The following UBAP1 variants were observed in gnomAD, a reference collection of about 807,000 sequenced individuals.
The protein encoded by UBAP1 is ubiquitin associated protein 1, also known as ubiquitin-associated protein 1.
UBAP1 carries 5 observed loss-of-function variants against 39.0 expected under a neutral mutation model. The ratio of observed to expected loss-of-function variants is 0.13; its 90% confidence interval spans 0.07 to 0.27. The LOEUF (loss-of-function observed/expected upper bound fraction) is 0.27, where lower values mean the gene tolerates loss of function less well. UBAP1 is among the 10% of genes least tolerant of loss of function. The pLI is 1.00. For missense variants in UBAP1, 490 were observed against 608.1 expected (o/e 0.81, Z 2.04); for synonymous variants, 211 against 225.1 (o/e 0.94, Z 0.56).
intron 2 of UBAP1, among the ~76,000 whole-genome samples, chr9:34,229,446 T>C (rs1262902694): frequency 1.3e-5 from 2 of 151,048 alleles, no homozygotes; most frequent in South Asian, 2.1e-4. Context: ...TTGGTAGAGA[T>C]GGGGTTTCAC....
chr9:34,222,321 G>A (rs926613937), intron 2 of UBAP1, among the ~76,000 whole-genome samples: 1 of 152,134 alleles, frequency 6.6e-6, no homozygotes, highest in Non-Finnish European at 1.5e-5. Context: ...TGATTTGTCA[G>A]TGTGCATATA....
rs1226632615 is a variant in UBAP1 at position 34,238,030 on chromosome 9, C to T, written c.160-3155C>T. ...TCCCCACAGCCTCTGGCAGCCTCCT[C>T]GCAGCCTCTGGCAACCAGTATCTAC... On this transcript the variant is annotated intron_variant, in intron 3 of 6. Coordinates refer to ENST00000297661, the MANE Select transcript of UBAP1 (RefSeq NM_016525.5). Among the ~76,000 whole-genome samples the T allele has an allele frequency of 2.0e-5, 3 of 152,188 alleles. No individual in the cohort carries two copies. The East Asian group carries it at 5.8e-4, about 29-fold the overall frequency.
At position 34,242,058 on chromosome 9, in the gene UBAP1, G is replaced by T. The variant is rs762885127; in HGVS notation, c.1033G>T (p.Val345Phe). Residue 345 changes from valine to phenylalanine, a missense_variant, in exon 4 of 7, where the codon GTT (valine) becomes TTT (phenylalanine). Transcript: ENST00000297661. ...LTSSQMPSLSVLSVCTEESSP... is the reference protein window; with the variant it reads ...LTSSQMPSLSFLSVCTEESSP... ...ATCCTCCCAGATGCCTTCCCTCTCT[G>T]TTTTGTCTGTGTGCACAGAGGAATC... 6.2e-7 allele frequency: 1 copy of T among 1,613,656 alleles called. No homozygotes were observed. Among genetic ancestry groups the T allele is most frequent in the South Asian group, 1.1e-5 (1 of 91,074 alleles).
chr9:34,181,063 G>C (rs1344724186), intron 1 of UBAP1, among the ~76,000 whole-genome samples: 1 of 149,776 alleles, frequency 6.7e-6, no homozygotes, highest in Non-Finnish European at 1.5e-5. Flanking sequence ...TCCGGCCTTG[G>C]TCTCCGAAAG....
chr9:34,248,998 A>T (rs967354070), intron 4 of UBAP1, among the ~76,000 whole-genome samples: 1 of 152,040 alleles, frequency 6.6e-6, no homozygotes, highest in African/African-American at 2.4e-5. Context: ...TGGGGGAGTT[A>T]ATCACGGCAC....
chr9:34,197,978 G>C (rs1201583743), intron 1 of UBAP1, among the ~76,000 whole-genome samples: 1 of 152,238 alleles, frequency 6.6e-6, no homozygotes, highest in East Asian at 1.9e-4. Flanking sequence ...CTAACCTGGG[G>C]TTCTGGATGG....
At chr9:34,198,568 G>C (rs1042142398) in intron 1 of UBAP1, among the ~76,000 whole-genome samples, 1 of 152,224 alleles carries the variant, frequency 6.6e-6, no homozygotes, top group Admixed American at 6.5e-5. Context: ...CCGCAGATGG[G>C]CAGAGCTGGT....
At chr9:34,228,054 A>G (rs1833193846) in intron 2 of UBAP1, among the ~76,000 whole-genome samples, 1 of 152,110 alleles carries the variant, frequency 6.6e-6, no homozygotes, top group Non-Finnish European at 1.5e-5. Flanking sequence ...ACTTGAGCCC[A>G]GGAGAATGAG....
At position 34,238,668 on chromosome 9, in the gene UBAP1, C is replaced by T. The variant is rs181398264; in HGVS notation, c.160-2517C>T. Among the ~76,000 whole-genome samples, 675 of 152,204 alleles carry T rather than the reference C, an allele frequency of 4.4e-3. 2 individuals carry two copies. Among genetic ancestry groups the T allele is most frequent in the Non-Finnish European group, 5.8e-3 (392 of 68,022 alleles). ...TTAATGTTCCTTTTGTGTATGGAGA[C>T]TTTATTGGGCCAGAAGAGAGATAGA... On this transcript the variant is annotated intron_variant, in intron 3 of 6. Transcript: ENST00000297661.
chr9:34,231,776 C>T (rs1461236764), intron 2 of UBAP1, among the ~76,000 whole-genome samples: 1 of 152,124 alleles, frequency 6.6e-6, no homozygotes, highest in African/African-American at 2.4e-5. Flanking sequence ...TCCCCAGTAG[C>T]TGGGACTACA....
rs141960774 is a variant in UBAP1, at chr9:34,190,900, G to A, written c.-8+11660G>A. 6.5e-4 allele frequency among the ~76,000 whole-genome samples: 97 copies of A among 149,864 alleles called. No individual in the cohort carries two copies. The South Asian group carries it at 0.014, about 21-fold the overall frequency. On this transcript the variant is annotated intron_variant, in intron 1 of 6. Coordinates refer to ENST00000297661, the MANE Select transcript of UBAP1 (RefSeq NM_016525.5). The stretch of plus-strand genomic sequence containing the variant: ...TAAGTTCAGGTGATCCACCTGCCTC[G>A]GCCTCCCAAAGTGTTGGAATTACAG...
chr9:34,235,190 G>A (rs777046595), intron 3 of UBAP1, among the ~76,000 whole-genome samples: 6 of 151,938 alleles, frequency 3.9e-5, no homozygotes, highest in Admixed American at 1.3e-4. Flanking sequence ...GTATTAGTTC[G>A]GAAGAGTAAA....
At chr9:34,227,049 A>G (rs1563911967) in intron 2 of UBAP1, among the ~76,000 whole-genome samples, 1 of 152,118 alleles carries the variant, frequency 6.6e-6, no homozygotes, top group Non-Finnish European at 1.5e-5. Context: ...TTTGGGTCTG[A>G]TGACTGGTTC....
intron 1 of UBAP1, among the ~76,000 whole-genome samples, chr9:34,204,493 G>A (rs1009682088): frequency 1.3e-5 from 2 of 151,722 alleles, no homozygotes; most frequent in African/African-American, 4.8e-5. Context: ...GAAAACACCC[G>A]TTTGTTTTTA....
chr9:34,180,091 A>G (rs2131473557), intron 1 of UBAP1, among the ~76,000 whole-genome samples: 2 of 152,192 alleles, frequency 1.3e-5, no homozygotes, highest in East Asian at 3.8e-4. Flanking sequence ...AGTTATTAGC[A>G]TTTGAGAATT....
At chr9:34,251,292 T>C (rs1226325195) in intron 6 of UBAP1, 100 bp from the exon 7 acceptor site, 7 of 1,285,852 alleles carry the variant, frequency 5.4e-6, no homozygotes, top group Admixed American at 3.8e-5. Context: ...ATGTAGACAT[T>C]CTGCTCTCCC....
chr9:34,251,522 G>A lies in UBAP1; in HGVS notation c.1499G>A (p.Gly500Glu), dbSNP rs537789793. ...TTGGAAGACCTCATGGCTCGGGCAG[G>A]AGCCAGCTGAGACCAGGCCCTGCCT... ...NALEDLMARAGAS is the reference protein window; with the variant it reads ...NALEDLMARAEAS Residue 500 changes from glycine (G) to glutamate (E), a missense_variant, in exon 7 of 7, where the codon GGA (glycine) becomes GAA (glutamate). By Grantham distance (98) the Gly-to-Glu change is moderately conservative. Coordinates refer to ENST00000297661, the MANE Select transcript of UBAP1 (RefSeq NM_016525.5). The A allele has an allele frequency of 4.2e-5, 67 of 1,613,942 alleles. 1 individual carries two copies. The South Asian group carries it at 7.0e-4, about 17-fold the overall frequency.
chr9:34,224,123 TC>T, intron 2 of UBAP1: 2 of 737,896 alleles, frequency 2.7e-6, no homozygotes, highest in Non-Finnish European at 4.2e-6. Context: ...GAACTGCTCC[TC>T]CAGGAGACTG....
intron 4 of UBAP1, among the ~76,000 whole-genome samples, chr9:34,245,911 T>G (rs888139361): frequency 7.3e-5 from 11 of 151,250 alleles, no homozygotes; most frequent in African/African-American, 2.7e-4. Context: ...AATCCCAGCA[T>G]TTTGGGAGGC....
Sources: allele counts gnomAD v4.1 joint callset (sites outside exome capture counted in the v4.1 genomes callset), GRCh38; gene constraint gnomAD v4.1.1; transcripts MANE v1.5; gene names NCBI Gene and HGNC (gene_info 2026-07-23, HGNC 2026-07-21).